MLLT3: variants seen among roughly 807,000 people sequenced by gnomAD.
MLLT3 encodes protein AF-9.
Under a neutral mutation model 53.2 loss-of-function variants are expected in MLLT3, and 4 were observed. The observed-to-expected ratio is 0.08, with a 90% CI of 0.04 to 0.17. The LOEUF is 0.17. MLLT3 is among the 10% of genes least tolerant of loss of function. MLLT3 has a pLI of 1.00. For synonymous variants in MLLT3, 283 were observed against 230.6 expected, an observed-to-expected ratio of 1.23 and a Z score of -2.06; for missense variants, 569 against 684.0, an observed-to-expected ratio of 0.83 and a Z score of 1.87.
chr9:20,344,592 C>T lies in MLLT3; in HGVS notation c.*1851G>A. ...TGCCAATCGTCATTAAGAATCATAA[C>T]ATTATTGAGAAAGTACACTTGTCCT... On this transcript the variant is annotated 3_prime_UTR_variant, in exon 11 of 11. Transcript: ENST00000380338. 4.7e-6 allele frequency: 1 copy of T among 211,522 alleles called. No individual in the cohort carries two copies. Among genetic ancestry groups the T allele is most frequent in the Non-Finnish European group, 9.6e-6 (1 of 104,136 alleles). The allele number at this position is 211,522 out of a possible 1,614,324, so 13.1% of individuals were successfully genotyped here. A position where few individuals can be genotyped will look rare whatever the true frequency, so the allele number is the denominator to read the frequency against.
At chr9:20,549,341 T>C (rs1366961130) in intron 2 of MLLT3, among the ~76,000 whole-genome samples, 5 of 152,136 alleles carry the variant, frequency 3.3e-5, no homozygotes, top group African/African-American at 1.2e-4. Flanking sequence ...ACACCAACAA[T>C]TGTTGGTAAC....
At chr9:20,593,067 A>T (rs1292661106) in intron 2 of MLLT3, among the ~76,000 whole-genome samples, 2 of 152,210 alleles carry the variant, frequency 1.3e-5, no homozygotes, top group African/African-American at 4.8e-5. Flanking sequence ...TAAAAGCTCA[A>T]ATTTTTCTGT....
chr9:20,462,214 C>T (rs1188489673), intron 2 of MLLT3, among the ~76,000 whole-genome samples: 1 of 152,144 alleles, frequency 6.6e-6, no homozygotes, highest in Non-Finnish European at 1.5e-5. Context: ...TAAAAGCACA[C>T]ACAAAAAGAT....
At chr9:20,593,507 A>C (rs1820178716) in intron 2 of MLLT3, among the ~76,000 whole-genome samples, 2 of 152,258 alleles carry the variant, frequency 1.3e-5, no homozygotes, top group Admixed American at 1.3e-4. Flanking sequence ...CAAGTATAAT[A>C]AAGCAGATCA....
At chr9:20,509,462 T>C (rs1316781413) in intron 2 of MLLT3, among the ~76,000 whole-genome samples, 1 of 152,230 alleles carries the variant, frequency 6.6e-6, no homozygotes, top group African/African-American at 2.4e-5. Context: ...CTTTAAGTCA[T>C]TGAAACACCC....
chr9:20,589,620 G>T (rs1404750017), intron 2 of MLLT3, among the ~76,000 whole-genome samples: 1 of 150,548 alleles, frequency 6.6e-6, no homozygotes, highest in South Asian at 2.1e-4. Context: ...TATAAAAAAA[G>T]AATTTGAGAA....
At chr9:20,581,371 G>A (rs1325679876) in intron 2 of MLLT3, among the ~76,000 whole-genome samples, 1 of 152,102 alleles carries the variant, frequency 6.6e-6, no homozygotes, top group African/African-American at 2.4e-5. Context: ...TTTACATACT[G>A]ACAATGTAAA....
intron 4 of MLLT3, among the ~76,000 whole-genome samples, chr9:20,438,482 A>T (rs1223939660): frequency 6.6e-6 from 1 of 152,164 alleles, no homozygotes; most frequent in Non-Finnish European, 1.5e-5. Flanking sequence ...CAGTAACAGA[A>T]ATTATAACTC....
chr9:20,456,009 G>T (rs574580745), intron 3 of MLLT3, among the ~76,000 whole-genome samples: 31 of 150,756 alleles, frequency 2.1e-4, no homozygotes, highest in African/African-American at 7.6e-4. Context: ...TGCGATCTCG[G>T]CTCACTGCCA....
chr9:20,594,513 G>A (rs1038225897), intron 2 of MLLT3, among the ~76,000 whole-genome samples: 1 of 152,140 alleles, frequency 6.6e-6, no homozygotes, highest in Non-Finnish European at 1.5e-5. Flanking sequence ...TTGAACCAGA[G>A]CAAGTCCATG....
At position 20,542,880 on chromosome 9, in the gene MLLT3, C is replaced by T. The variant is rs190411875; in HGVS notation, c.193+77774G>A. 8.5e-5 allele frequency among the ~76,000 whole-genome samples: 13 copies of T among 152,356 alleles called. No individual in the cohort carries two copies. In the East Asian group the frequency reaches 2.3e-3, roughly 27 times the overall value. ...TAGTGTAGCCACCTTTCTCAATGAT[C>T]TTAGCTAGAGCTTCTGGATAACTTG... On this transcript the variant is annotated intron_variant, in intron 2 of 10. Transcript: ENST00000380338.
chr9:20,498,645 T>G (rs144426240), intron 2 of MLLT3, among the ~76,000 whole-genome samples: 33 of 152,072 alleles, frequency 2.2e-4, no homozygotes, highest in Admixed American at 3.3e-4. Flanking sequence ...GTGATTTGTA[T>G]TTTTTTTAGC....
rs895884814 is a variant in MLLT3 at position 20,622,405 on chromosome 9, C to T, written c.-149G>A. The T allele has an allele frequency of 2.0e-5, 14 of 715,154 alleles. No individual in the cohort carries two copies. The highest frequency in any genetic ancestry group is 3.1e-5 in the Non-Finnish European group (14 of 448,242). 44.3% of individuals were successfully genotyped at this position (715,154 alleles called of 1,614,324 possible). On this transcript the variant is annotated 5_prime_UTR_variant, in exon 1 of 11. Coordinates refer to ENST00000380338, the MANE Select transcript of MLLT3 (RefSeq NM_004529.4). ...GGCGGACATTCTCTGCCTTTTTCCC[C>T]CCGCGCTCGCTTGCTCGCTCGCTCG...
chr9:20,598,877 A>C (rs1304055089), intron 2 of MLLT3, among the ~76,000 whole-genome samples: 1 of 152,236 alleles, frequency 6.6e-6, no homozygotes, highest in Non-Finnish European at 1.5e-5. Context: ...TACTTTCCTC[A>C]AACCCTATTC....
At chr9:20,529,853 G>A (rs563292254) in intron 2 of MLLT3, among the ~76,000 whole-genome samples, 40 of 150,940 alleles carry the variant, frequency 2.7e-4, no homozygotes, top group African/African-American at 8.8e-4. Flanking sequence ...ATGAGCCATG[G>A]CATCCCACTG....
chr9:20,479,553 A>C (rs1824612028), intron 2 of MLLT3, among the ~76,000 whole-genome samples: 1 of 152,140 alleles, frequency 6.6e-6, no homozygotes, highest in Non-Finnish European at 1.5e-5. Context: ...GAAAGGAGTA[A>C]GGCCTAGAGA....
chr9:20,473,974 G>T (rs1268733489), intron 2 of MLLT3, among the ~76,000 whole-genome samples: 1 of 152,096 alleles, frequency 6.6e-6, no homozygotes, highest in Non-Finnish European at 1.5e-5. Flanking sequence ...CCCAATAGAA[G>T]TATCAAATGC....
intron 5 of MLLT3, among the ~76,000 whole-genome samples, chr9:20,382,708 C>G (rs922412130): frequency 6.6e-6 from 1 of 151,912 alleles, no homozygotes; most frequent in Non-Finnish European, 1.5e-5. Context: ...GATCGGATGT[C>G]AAATGCTTAA....
chr9:20,493,780 T>C (rs935284255), intron 2 of MLLT3, among the ~76,000 whole-genome samples: 2 of 152,212 alleles, frequency 1.3e-5, no homozygotes, highest in East Asian at 1.9e-4. Context: ...TGAAAAATAC[T>C]ATAAAGTATG....
Sources: allele counts gnomAD v4.1 joint callset (sites outside exome capture counted in the v4.1 genomes callset), GRCh38; gene constraint gnomAD v4.1.1; transcripts MANE v1.5; gene names NCBI Gene and HGNC (gene_info 2026-07-23, HGNC 2026-07-21).